The following AK5 variants were observed in gnomAD, a reference collection of about 807,000 sequenced individuals.
AK5 encodes adenylate kinase 5.
In AK5, 27 loss-of-function variants were observed where a neutral mutation model predicts 69.5. The observed-to-expected ratio is 0.39, with a 90% confidence interval of 0.29 to 0.54. AK5 has a LOEUF of 0.54. Among genes scored for constraint, AK5 ranks in the 20% least tolerant of loss-of-function variants. The pLI is 0.71. For synonymous variants in AK5, 260 were observed against 244.4 expected, an observed-to-expected ratio of 1.06 and a Z score of -0.60; for missense variants, 531 against 700.4, an observed-to-expected ratio of 0.76 and a Z score of 2.73.
chr1:77,534,931 G>A (rs1474834522), intron 12 of AK5, among the ~76,000 whole-genome samples: 1 of 152,158 alleles, frequency 6.6e-6, no homozygotes, highest in African/African-American at 2.4e-5. Flanking sequence ...GTTCTCACTT[G>A]GGGTTCCTTA....
At chr1:77,344,272 A>G (rs1232871112) in intron 6 of AK5, among the ~76,000 whole-genome samples, 1 of 152,252 alleles carries the variant, frequency 6.6e-6, no homozygotes, top group Non-Finnish European at 1.5e-5. Flanking sequence ...ATACATGTCC[A>G]TATGCAGTCA....
At chr1:77,294,242 T>G (rs1323844704) in intron 3 of AK5, among the ~76,000 whole-genome samples, 2 of 152,188 alleles carry the variant, frequency 1.3e-5, no homozygotes, top group Non-Finnish European at 2.9e-5. Flanking sequence ...TCAAGATTTA[T>G]TGTCCTGTGG....
At chr1:77,529,773 G>T (rs1658480503) in intron 12 of AK5, among the ~76,000 whole-genome samples, 2 of 152,048 alleles carry the variant, frequency 1.3e-5, no homozygotes, top group African/African-American at 4.8e-5. Flanking sequence ...ATTAATGGAA[G>T]TCATATTAAC....
intron 8 of AK5, among the ~76,000 whole-genome samples, chr1:77,470,855 A>T (rs1334934052): frequency 0.018 from 50 of 2,792 alleles, 3 homozygotes; most frequent in Non-Finnish European, 0.033. Context: ...ATATATATAT[A>T]TATATATATA....
At chr1:77,380,372 T>C (rs6668429) in intron 6 of AK5, among the ~76,000 whole-genome samples, 47,306 of 151,972 alleles carry the variant, frequency 0.31, 7,829 homozygotes, top group East Asian at 0.59. Context: ...GGTAGGTAAC[T>C]GCCTCAAGTC....
At chr1:77,354,545 ATTAT>A (rs1662393950) in intron 6 of AK5, among the ~76,000 whole-genome samples, 1 of 152,230 alleles carries the variant, frequency 6.6e-6, no homozygotes, top group African/African-American at 2.4e-5. Context: ...GGTGCTTTGA[ATTAT>A]TTGTTAACTT....
chr1:77,362,804 A>G (rs1402934269), intron 6 of AK5, among the ~76,000 whole-genome samples: 4 of 152,232 alleles, frequency 2.6e-5, no homozygotes, highest in Non-Finnish European at 5.9e-5. Flanking sequence ...GGCTGGTAAT[A>G]TAAATTGCTG....
At chr1:77,474,983 T>G (rs1355150087) in intron 8 of AK5, among the ~76,000 whole-genome samples, 1 of 151,676 alleles carries the variant, frequency 6.6e-6, no homozygotes, top group African/African-American at 2.4e-5. Flanking sequence ...TTAACTTCTT[T>G]GTACAGACGG....
intron 8 of AK5, among the ~76,000 whole-genome samples, chr1:77,420,639 C>A (rs1037361590): frequency 6.6e-6 from 1 of 152,198 alleles, no homozygotes; most frequent in Non-Finnish European, 1.5e-5. Context: ...TTCCCAAGAC[C>A]ATAAAGCTAG....
At position 77,316,802 on chromosome 1, in the gene AK5, A is replaced by G. The variant is rs529041968; in HGVS notation, c.699+18855A>G. Reference sequence around the variant, plus strand: ...TGATTATTCATTTATTTTTATTGCAATTTGCTGTGATGCTACAAAAGACCA... The same window carrying G: ...TGATTATTCATTTATTTTTATTGCAGTTTGCTGTGATGCTACAAAAGACCA... On this transcript the variant is annotated intron_variant, in intron 5 of 13. Transcript: ENST00000354567. Among the ~76,000 whole-genome samples, 21 of 152,276 alleles carry G rather than the reference A, an allele frequency of 1.4e-4. No homozygotes were observed. The South Asian group carries it at 4.3e-3, about 32-fold the overall frequency.
At chr1:77,501,744 A>G (rs1656733484) in intron 10 of AK5, among the ~76,000 whole-genome samples, 1 of 152,214 alleles carries the variant, frequency 6.6e-6, no homozygotes, top group Non-Finnish European at 1.5e-5. Context: ...ATATAGAAAA[A>G]GGTTTACATT....
chr1:77,394,606 C>G (rs1436032381), intron 6 of AK5, among the ~76,000 whole-genome samples: 2 of 151,840 alleles, frequency 1.3e-5, no homozygotes, highest in Admixed American at 6.6e-5. Context: ...ACAATGAACT[C>G]TAGTGCATGG....
chr1:77,516,614 C>G (rs1040639044), intron 10 of AK5, among the ~76,000 whole-genome samples: 4 of 151,698 alleles, frequency 2.6e-5, no homozygotes, highest in African/African-American at 9.7e-5. Context: ...AAGCTGAGGA[C>G]CAAGAAGAAC....
chr1:77,296,114 G>A (rs59668564), intron 3 of AK5, among the ~76,000 whole-genome samples: 2,429 of 152,220 alleles, frequency 0.016, 50 homozygotes, highest in African/African-American at 0.043. Context: ...GACTTTTATG[G>A]AATTATAAAA....
intron 8 of AK5, among the ~76,000 whole-genome samples, chr1:77,433,198 A>T (rs1293499902): frequency 1.3e-5 from 2 of 152,218 alleles, no homozygotes; most frequent in Non-Finnish European, 2.9e-5. Flanking sequence ...CTACAGGTAG[A>T]AGAGAAGAAC....
chr1:77,325,492 G>A (rs1660754746), intron 5 of AK5, among the ~76,000 whole-genome samples: 1 of 152,018 alleles, frequency 6.6e-6, no homozygotes, highest in Non-Finnish European at 1.5e-5. Context: ...ACTTTTACGG[G>A]AAAAGCAGAG....
At chr1:77,368,304 T>C (rs1206693425) in intron 6 of AK5, among the ~76,000 whole-genome samples, 28 of 124,292 alleles carry the variant, frequency 2.3e-4, no homozygotes, top group Non-Finnish European at 3.8e-4. Context: ...TTATATATAA[T>C]ATATATGTTA....
At chr1:77,538,826 G>A (rs1024091355) in intron 13 of AK5, among the ~76,000 whole-genome samples, 7 of 152,136 alleles carry the variant, frequency 4.6e-5, no homozygotes, top group African/African-American at 1.4e-4. Context: ...ATGACTGCTC[G>A]TGAGTACAGG....
At chr1:77,392,012 T>TA (rs1648521074) in intron 6 of AK5, among the ~76,000 whole-genome samples, 1 of 151,348 alleles carries the variant, frequency 6.6e-6, no homozygotes, top group Non-Finnish European at 1.5e-5. Context: ...GACTCCAACA[T>TA]ACTCCTTGAA....
Sources: allele counts gnomAD v4.1 joint callset (sites outside exome capture counted in the v4.1 genomes callset), GRCh38; gene constraint gnomAD v4.1.1; transcripts MANE v1.5; gene names NCBI Gene and HGNC (gene_info 2026-07-23, HGNC 2026-07-21).